Variants in CHRM3 observed in about 807,000 individuals in gnomAD.
The protein encoded by CHRM3 is muscarinic acetylcholine receptor M3.
A neutral mutation model predicts 41.8 loss-of-function variants in CHRM3; 11 were observed. The observed-to-expected ratio is 0.26, with a 90% CI of 0.17 to 0.44. The LOEUF (loss-of-function observed/expected upper bound fraction) is 0.44, where lower values mean the gene tolerates loss of function less well. CHRM3 is among the 20% of genes least tolerant of loss of function. The probability of loss-of-function intolerance (pLI) is 1.00; values close to 1 mark genes in which losing one functional copy is unlikely to be tolerated. For missense variants in CHRM3, 571 were observed against 745.4 expected (o/e 0.77, Z 2.72); for synonymous variants, 297 against 301.4 (o/e 0.99, Z 0.15).
At chr1:239,391,241 T>C (rs1203543582) in intron 1 of CHRM3, among the ~76,000 whole-genome samples, 1 of 152,194 alleles carries the variant, frequency 6.6e-6, no homozygotes, top group Non-Finnish European at 1.5e-5. Context: ...AAACATTTCA[T>C]TCCCCACTGT....
At chr1:239,628,603 T>C in intron 3 of CHRM3, among the ~76,000 whole-genome samples, 1 of 61,952 alleles carries the variant, frequency 1.6e-5, no homozygotes, top group Admixed American at 1.3e-4. Context: ...TTCCAGTTTT[T>C]CTGTTCTGTT....
intron 2 of CHRM3, among the ~76,000 whole-genome samples, chr1:239,525,713 AT>A (rs1400017085): frequency 6.6e-6 from 1 of 152,184 alleles, no homozygotes; most frequent in Non-Finnish European, 1.5e-5. Context: ...AATAGATTTA[AT>A]TTGCAACTCT....
At chr1:239,817,554 A>G (rs911480853) in intron 5 of CHRM3, among the ~76,000 whole-genome samples, 2 of 151,968 alleles carry the variant, frequency 1.3e-5, no homozygotes, top group South Asian at 4.2e-4. Context: ...CCCACGGGCT[A>G]CTGGAGGCAC....
chr1:239,887,515 G>A (rs546004957), intron 6 of CHRM3, among the ~76,000 whole-genome samples: 1 of 152,268 alleles, frequency 6.6e-6, no homozygotes, highest in African/African-American at 2.4e-5. Flanking sequence ...GAGCCATGGT[G>A]CCAGGCCTTC....
intron 3 of CHRM3, among the ~76,000 whole-genome samples, chr1:239,573,874 C>G (rs897823280): frequency 6.6e-6 from 1 of 152,052 alleles, no homozygotes; most frequent in Non-Finnish European, 1.5e-5. Context: ...ATCATCTGGA[C>G]CTTGTCTTCC....
chr1:239,567,305 G>GAAAA (rs34425115), intron 3 of CHRM3, among the ~76,000 whole-genome samples: 3 of 140,826 alleles, frequency 2.1e-5, no homozygotes, highest in Non-Finnish European at 4.6e-5. Flanking sequence ...GACCTCATCT[G>GAAAA]AAAAAAAAAA....
rs542311143 is a variant in CHRM3, at chr1:239,412,692, G to C, written c.-521+25465G>C. On this transcript the variant is annotated intron_variant, in intron 1 of 6. Coordinates refer to ENST00000676153, the MANE Select transcript of CHRM3 (RefSeq NM_001375978.1). ...AATATTTTTCTTATCTTGTCTCGTAGGAATGGTTTTATAGGATAAATGAGT... is the reference window on the plus strand; with the variant it reads ...AATATTTTTCTTATCTTGTCTCGTACGAATGGTTTTATAGGATAAATGAGT... 2.6e-5 allele frequency among the ~76,000 whole-genome samples: 4 copies of C among 152,050 alleles called. No individual in the cohort carries two copies. In the East Asian group the frequency reaches 7.8e-4, roughly 30 times the overall value.
chr1:239,866,356 C>G (rs946128686), intron 6 of CHRM3, among the ~76,000 whole-genome samples: 3 of 151,844 alleles, frequency 2.0e-5, no homozygotes, highest in African/African-American at 7.3e-5. Context: ...GCCGAGATCC[C>G]CCCACTGCAC....
At chr1:239,758,302 G>A (rs1460250665) in intron 5 of CHRM3, among the ~76,000 whole-genome samples, 1 of 152,134 alleles carries the variant, frequency 6.6e-6, no homozygotes, top group Admixed American at 6.5e-5. Flanking sequence ...ATGTATTTTT[G>A]TTCATCTTCG....
At chr1:239,646,210 T>C (rs1351450106) in intron 4 of CHRM3, among the ~76,000 whole-genome samples, 1 of 152,252 alleles carries the variant, frequency 6.6e-6, no homozygotes, top group East Asian at 1.9e-4. Flanking sequence ...AATTTTGACA[T>C]GTCCTTTCAG....
intron 3 of CHRM3, among the ~76,000 whole-genome samples, chr1:239,573,147 C>T (rs192814832): frequency 4.5e-4 from 68 of 152,228 alleles, no homozygotes; most frequent in African/African-American, 1.6e-3. Flanking sequence ...CCTAGTTCCT[C>T]GCATTCTTTT....
chr1:239,408,480 C>A (rs1268418553), intron 1 of CHRM3, among the ~76,000 whole-genome samples: 1 of 145,298 alleles, frequency 6.9e-6, no homozygotes, highest in African/African-American at 2.6e-5. Flanking sequence ...GCCAAGATGG[C>A]GCCACTGCAC....
At chr1:239,501,297 C>G (rs1199712917) in intron 2 of CHRM3, among the ~76,000 whole-genome samples, 2 of 152,176 alleles carry the variant, frequency 1.3e-5, no homozygotes, top group African/African-American at 2.4e-5. Context: ...ACATACAGAA[C>G]ATTTTATCCA....
chr1:239,610,683 T>C (rs1666913824), intron 3 of CHRM3, among the ~76,000 whole-genome samples: 1 of 151,922 alleles, frequency 6.6e-6, no homozygotes, highest in Non-Finnish European at 1.5e-5. Context: ...TGTGACAGAG[T>C]AGAGTTCACA....
At position 239,476,484 on chromosome 1, in the gene CHRM3, G is replaced by T. The variant is rs544174070; in HGVS notation, c.-520-16225G>T. Among the ~76,000 whole-genome samples the T allele has an allele frequency of 2.8e-5, 4 of 145,338 alleles. No individual in the cohort carries two copies. In the South Asian group the frequency reaches 8.9e-4, roughly 32 times the overall value. ...CATCCAAAAAAAAAAAAAAAAAATT[G>T]CTGGTTTCTCACACTGTAAAACCTT... On this transcript the variant is annotated intron_variant, in intron 1 of 6. Coordinates refer to ENST00000676153, the MANE Select transcript of CHRM3 (RefSeq NM_001375978.1).
intron 3 of CHRM3, among the ~76,000 whole-genome samples, chr1:239,585,251 T>A (rs1281330781): frequency 1.3e-5 from 2 of 152,038 alleles, no homozygotes; most frequent in African/African-American, 2.4e-5. Flanking sequence ...CTTTCTCTTG[T>A]GATTATAAGT....
intron 2 of CHRM3, among the ~76,000 whole-genome samples, chr1:239,544,676 C>T (rs1345197671): frequency 1.3e-5 from 2 of 152,268 alleles, no homozygotes; most frequent in South Asian, 2.1e-4. Flanking sequence ...TTACTCATCA[C>T]GTATTTGTAT....
chr1:239,638,054 T>C (rs1436625554), intron 4 of CHRM3, among the ~76,000 whole-genome samples: 1 of 151,564 alleles, frequency 6.6e-6, no homozygotes, highest in Non-Finnish European at 1.5e-5. Flanking sequence ...AGAATGATGA[T>C]TTCCAATTTC....
intron 5 of CHRM3, among the ~76,000 whole-genome samples, chr1:239,819,806 G>A (rs959370816): frequency 1.3e-5 from 2 of 152,184 alleles, no homozygotes; most frequent in African/African-American, 4.8e-5. Context: ...AGGTGTCTAA[G>A]AGCTTTTCTT....
Sources: gnomAD v4.1 joint callset for allele counts (sites outside exome capture counted in the v4.1 genomes callset) on GRCh38, gnomAD v4.1.1 for gene constraint, MANE v1.5 for transcripts, NCBI Gene and HGNC (gene_info 2026-07-23, HGNC 2026-07-21) for gene names.